Variants in COBLL1 observed in about 807,000 individuals in gnomAD.
COBLL1 encodes the protein cordon-bleu WH2 repeat protein like 1.
COBLL1 carries 50 observed loss-of-function variants against 94.8 expected under a neutral mutation model. That is an observed-to-expected ratio of 0.53 (90% CI 0.42 to 0.67). COBLL1 has a LOEUF of 0.67. COBLL1 is among the 30% of genes least tolerant of loss of function. COBLL1 has a pLI of 0.00. For synonymous variants in COBLL1, 448 were observed against 473.8 expected, an observed-to-expected ratio of 0.95 and a Z score of 0.71; for missense variants, 1,362 against 1,348.7, an observed-to-expected ratio of 1.01 and a Z score of -0.15.
chr2:164,793,213 T>G, intron 2 of COBLL1, among the ~76,000 whole-genome samples: 1 of 152,100 alleles, frequency 6.6e-6, no homozygotes, highest in Admixed American at 6.6e-5. Context: ...TCTGCACTAT[T>G]TAAGTTGTCA....
In COBLL1 at chr2:164,798,768, C is replaced by A. The variant is rs371934196; in HGVS notation, c.41+42388G>T. ...GGGGCAGTGGCTCACGCCTGTAATC[C>A]CAGCACTTTGGGAGGCCAAGGCAGG... is the stretch of plus-strand genomic sequence containing the variant. On this transcript the variant is annotated intron_variant, in intron 2 of 13. Transcript: ENST00000652658. 2.0e-5 allele frequency among the ~76,000 whole-genome samples: 3 copies of A among 152,084 alleles called. No homozygotes were observed. The East Asian group carries it at 5.8e-4, about 30-fold the overall frequency.
At chr2:164,814,890 A>C (rs1183439976) in intron 2 of COBLL1, among the ~76,000 whole-genome samples, 1 of 152,182 alleles carries the variant, frequency 6.6e-6, no homozygotes, top group Non-Finnish European at 1.5e-5. Flanking sequence ...ATATGCAACA[A>C]AGGAGGAGCC....
At chr2:164,725,101 GATATATATATATATAT>G (rs760164549) in intron 5 of COBLL1, 2 of 76,298 alleles carry the variant, frequency 2.6e-5, no homozygotes, top group Admixed American at 3.0e-4. Context: ...TACCCTGCAG[GATATATATATATATAT>G]ATATATATAT....
chr2:164,787,920 A>C (rs1006793880), intron 2 of COBLL1, among the ~76,000 whole-genome samples: 4 of 152,186 alleles, frequency 2.6e-5, no homozygotes, highest in African/African-American at 9.7e-5. Flanking sequence ...CTACAACCAA[A>C]CCTGAAATAA....
chr2:164,758,844 A>T (rs1196914191), intron 2 of COBLL1, among the ~76,000 whole-genome samples: 1 of 152,146 alleles, frequency 6.6e-6, no homozygotes, highest in Non-Finnish European at 1.5e-5. Flanking sequence ...CATTAAAAAC[A>T]AAATTATCTG....
chr2:164,740,120 C>T (rs1440292060), intron 3 of COBLL1, among the ~76,000 whole-genome samples: 3 of 152,070 alleles, frequency 2.0e-5, no homozygotes, highest in Non-Finnish European at 4.4e-5. Context: ...AAAACTACTG[C>T]GAACAAAGTC....
chr2:164,752,526 C>T (rs756562563), intron 2 of COBLL1, among the ~76,000 whole-genome samples: 10 of 152,108 alleles, frequency 6.6e-5, no homozygotes, highest in South Asian at 2.1e-4. Flanking sequence ...TTTTTGTCTA[C>T]GTTTAATCTT....
chr2:164,726,633 C>T (rs1333541297), intron 5 of COBLL1, among the ~76,000 whole-genome samples: 2 of 152,074 alleles, frequency 1.3e-5, no homozygotes, highest in African/African-American at 4.8e-5. Context: ...GTTAAACACA[C>T]TTATATGGTA....
intron 2 of COBLL1, among the ~76,000 whole-genome samples, chr2:164,761,041 G>T (rs1434029621): frequency 6.6e-6 from 1 of 152,130 alleles, no homozygotes; most frequent in Non-Finnish European, 1.5e-5. Context: ...CTCATTCCCA[G>T]ATTATATAAC....
intron 2 of COBLL1, among the ~76,000 whole-genome samples, chr2:164,746,669 A>G (rs1686873881): frequency 6.6e-6 from 1 of 151,992 alleles, no homozygotes; most frequent in Non-Finnish European, 1.5e-5. Context: ...ACAAACCCAC[A>G]ATAAAGTTGA....
intron 2 of COBLL1, chr2:164,772,149 T>C (rs1050833044): frequency 7.1e-6 from 1 of 141,042 alleles, no homozygotes; most frequent in African/African-American, 2.9e-5. Flanking sequence ...TCACAGTGTG[T>C]GGTTAGCAGC....
intron 3 of COBLL1, among the ~76,000 whole-genome samples, chr2:164,740,521 T>G (rs941953127): frequency 6.6e-6 from 1 of 152,124 alleles, no homozygotes; most frequent in African/African-American, 2.4e-5. Flanking sequence ...GGTAAACAAC[T>G]AGGACTCATT....
At chr2:164,780,389 T>C (rs1001812497) in intron 2 of COBLL1, among the ~76,000 whole-genome samples, 2 of 152,206 alleles carry the variant, frequency 1.3e-5, no homozygotes, top group African/African-American at 2.4e-5. Flanking sequence ...TCCTCCCTTT[T>C]ATAAAAGTTT....
At chr2:164,823,462 G>A (rs962052087) in intron 2 of COBLL1, among the ~76,000 whole-genome samples, 2 of 152,010 alleles carry the variant, frequency 1.3e-5, no homozygotes, top group Non-Finnish European at 2.9e-5. Flanking sequence ...ACCCTTCAAG[G>A]AGACTGCAAA....
intron 2 of COBLL1, among the ~76,000 whole-genome samples, chr2:164,790,028 A>T (rs1683106253): frequency 6.6e-6 from 1 of 152,252 alleles, no homozygotes; most frequent in African/African-American, 2.4e-5. Flanking sequence ...AAAAATACAT[A>T]ACTTCAGATT....
At chr2:164,776,052 T>C (rs1235519714) in intron 2 of COBLL1, among the ~76,000 whole-genome samples, 2 of 152,010 alleles carry the variant, frequency 1.3e-5, no homozygotes, top group Non-Finnish European at 2.9e-5. Context: ...AAAAAGATGC[T>C]GAATTAATGT....
rs1026921780 is a variant in COBLL1 at position 164,664,122 on chromosome 2, G to A, written n.181+1725C>T. The stretch of plus-strand genomic sequence containing the variant: ...CAGAAAAGCCTATAATGCAGAGAGG[G>A]TAAGGTTTTGCTTCCTGTTCTATCC... On this transcript the variant is annotated intron_variant and non_coding_transcript_variant, in intron 2 of 2. Coordinates refer to the COBLL1 transcript ENST00000495084. 7.9e-5 allele frequency among the ~76,000 whole-genome samples: 12 copies of A among 152,304 alleles called. No homozygotes were observed. In the South Asian group the frequency reaches 2.3e-3, roughly 29 times the overall value.
At position 164,719,655 on chromosome 2, in the gene COBLL1, T is replaced by G. The variant is rs75266181; in HGVS notation, c.996+2420A>C. ...CTTATAAGGATACCTGCCACTGGATTTGAGCCCACCTCAAATCCAATATGA... is the reference window on the plus strand; with the variant it reads ...CTTATAAGGATACCTGCCACTGGATGTGAGCCCACCTCAAATCCAATATGA... On this transcript the variant is annotated intron_variant, in intron 7 of 13. Coordinates refer to ENST00000652658, the MANE Select transcript of COBLL1 (RefSeq NM_001365672.2). Among the ~76,000 whole-genome samples, 751 of 152,260 alleles carry G rather than the reference T, an allele frequency of 4.9e-3. 5 individuals are homozygous for G. The highest frequency in any genetic ancestry group is 0.016 in the African/African-American group (671 of 41,554).
chr2:164,683,659 T>C lies in COBLL1; in HGVS notation c.*2287A>G, dbSNP rs1456324179. ...TCCCACAGGTAACCACCAGCAAATT[T>C]TTTTCCTACATATACAGCCATAATT... On this transcript the variant is annotated 3_prime_UTR_variant, in exon 14 of 14. Coordinates refer to ENST00000652658, the MANE Select transcript of COBLL1 (RefSeq NM_001365672.2). 6.6e-6 allele frequency: 1 copy of C among 152,138 alleles called. No individual in the cohort carries two copies. Among genetic ancestry groups the C allele is most frequent in the Non-Finnish European group, 1.5e-5 (1 of 68,002 alleles). The allele number at this position is 152,138 out of a possible 1,614,324, so 9.4% of individuals were successfully genotyped here.
Sources: gnomAD v4.1 joint callset for allele counts (sites outside exome capture counted in the v4.1 genomes callset) on GRCh38, gnomAD v4.1.1 for gene constraint, MANE v1.5 for transcripts, NCBI Gene and HGNC (gene_info 2026-07-23, HGNC 2026-07-21) for gene names.